TCF4: variants seen among roughly 807,000 people sequenced by gnomAD.
The protein encoded by TCF4 is SL3-3 enhancer factor 2.
TCF4 carries 3 observed loss-of-function variants against 82.1 expected under a neutral mutation model. The ratio of observed to expected loss-of-function variants is 0.04; its 90% CI spans 0.02 to 0.09. The LOEUF is 0.09. Among genes scored for constraint, TCF4 ranks in the 10% least tolerant of loss-of-function variants. The probability of loss-of-function intolerance (pLI) is 1.00; values close to 1 mark genes in which losing one functional copy is unlikely to be tolerated. For synonymous variants in TCF4, 276 were observed against 309.6 expected (o/e 0.89, Z 1.14); for missense variants, 518 against 852.7 (o/e 0.61, Z 4.89).
At chr18:55,528,715 A>G (rs750756718) in intron 3 of TCF4, among the ~76,000 whole-genome samples, 1 of 152,226 alleles carries the variant, frequency 6.6e-6, no homozygotes, top group South Asian at 2.1e-4. Context: ...ACGTTTCTCC[A>G]AGGAATTTAT....
intron 2 of TCF4, among the ~76,000 whole-genome samples, chr18:55,597,365 T>G (rs1212571771): frequency 6.6e-6 from 1 of 152,154 alleles, no homozygotes; most frequent in Non-Finnish European, 1.5e-5. Context: ...TGCATGATAT[T>G]TCAAACCCGA....
At chr18:55,356,059 T>C (rs1304980665) in intron 6 of TCF4, among the ~76,000 whole-genome samples, 2 of 152,164 alleles carry the variant, frequency 1.3e-5, no homozygotes, top group East Asian at 3.9e-4. Context: ...ATAAGAGCTC[T>C]ATCATAGGGT....
chr18:55,248,040 C>G (rs1211761446), intron 15 of TCF4, among the ~76,000 whole-genome samples: 1 of 152,172 alleles, frequency 6.6e-6, no homozygotes, highest in African/African-American at 2.4e-5. Context: ...GAGATAATCT[C>G]TTAAATTCCC....
upstream of TCF4, chr18:55,588,640 G>A (rs879108660): frequency 2.8e-6 from 4 of 1,412,466 alleles, no homozygotes; most frequent in South Asian, 6.2e-5. Flanking sequence ...GGCAAAGCAA[G>A]TTTATACTAG....
At chr18:55,491,546 C>A (rs1025283228) in intron 3 of TCF4, among the ~76,000 whole-genome samples, 12 of 152,164 alleles carry the variant, frequency 7.9e-5, no homozygotes, top group African/African-American at 2.7e-4. Flanking sequence ...TCCAGTTGCC[C>A]TTTATGTCCC....
chr18:55,233,817 A>G (rs1196165480), intron 16 of TCF4, among the ~76,000 whole-genome samples: 2 of 94,582 alleles, frequency 2.1e-5, no homozygotes, highest in Non-Finnish European at 3.8e-5. Flanking sequence ...AGGCTCTGTC[A>G]AAAAAAAAAA....
intron 3 of TCF4, among the ~76,000 whole-genome samples, chr18:55,501,706 G>GAA (rs776813034): frequency 7.0e-6 from 1 of 142,446 alleles, no homozygotes; most frequent in Non-Finnish European, 1.5e-5. Flanking sequence ...ATCTTTGGGA[G>GAA]AAAAAAAAAA....
intron 8 of TCF4, among the ~76,000 whole-genome samples, chr18:55,282,981 T>C (rs2062922188): frequency 6.6e-6 from 1 of 152,140 alleles, no homozygotes; most frequent in Non-Finnish European, 1.5e-5. Context: ...GCTCTTTTAG[T>C]AACCTATTTG....
At chr18:55,556,377 T>C (rs188048530) in intron 3 of TCF4, among the ~76,000 whole-genome samples, 4 of 152,340 alleles carry the variant, frequency 2.6e-5, no homozygotes, top group Admixed American at 2.6e-4. Flanking sequence ...GAGCCTAATT[T>C]CTCAATAGTA....
chr18:55,465,905 T>C (rs1465619969), intron 3 of TCF4, among the ~76,000 whole-genome samples: 1 of 152,222 alleles, frequency 6.6e-6, no homozygotes, highest in Non-Finnish European at 1.5e-5. Flanking sequence ...CAAAAAGTAA[T>C]GGAGGAACAG....
intron 2 of TCF4, among the ~76,000 whole-genome samples, chr18:55,609,040 C>G (rs2097704759): frequency 6.6e-6 from 1 of 152,126 alleles, no homozygotes; most frequent in South Asian, 2.1e-4. Context: ...TCTCTGTTCT[C>G]TGCTATATGA....
chr18:55,255,431 T>C (rs1033384758), intron 14 of TCF4, among the ~76,000 whole-genome samples: 1 of 152,206 alleles, frequency 6.6e-6, no homozygotes. Context: ...AACTATAGCA[T>C]AGAATTCGCA....
rs145035498 is a variant in TCF4, at chr18:55,302,765, G to A, written c.550-23109C>T. The A allele has an allele frequency of 4.8e-4, 299 of 619,244 alleles. 3 individuals are homozygous for A. In the Middle Eastern group the frequency reaches 5.9e-3, roughly 12 times the overall value. 38.4% of individuals were successfully genotyped at this position (619,244 alleles called of 1,614,324 possible). A position where few individuals can be genotyped will look rare whatever the true frequency, so the allele number is the denominator to read the frequency against. ...AATGACCAGGCATGAGGCGTCCCCT[G>A]GATAAAGCTGCATCTGGAGCCCGTT... On this transcript the variant is annotated intron_variant, in intron 8 of 19. Transcript: ENST00000354452.
intron 3 of TCF4, among the ~76,000 whole-genome samples, chr18:55,468,267 G>A (rs1220153723): frequency 6.6e-6 from 1 of 152,194 alleles, no homozygotes; most frequent in Admixed American, 6.5e-5. Context: ...ACACAGTGAA[G>A]GACTGGCTAT....
intron 3 of TCF4, among the ~76,000 whole-genome samples, chr18:55,491,024 A>G (rs111397017): frequency 0.018 from 2,470 of 139,318 alleles, 75 homozygotes; most frequent in African/African-American, 0.061. Context: ...ATTATGGGGG[A>G]AAAAAAATCC....
intron 8 of TCF4, among the ~76,000 whole-genome samples, chr18:55,339,163 T>C (rs1373284885): frequency 1.3e-5 from 2 of 152,086 alleles, no homozygotes; most frequent in Non-Finnish European, 2.9e-5. Flanking sequence ...TAAACAGATA[T>C]GAAAGACATT....
intron 5 of TCF4, among the ~76,000 whole-genome samples, chr18:55,430,910 T>A (rs1335975289): frequency 6.6e-6 from 1 of 152,102 alleles, no homozygotes; most frequent in Non-Finnish European, 1.5e-5. Flanking sequence ...TTGAAGTAAG[T>A]GATCACATTT....
intron 6 of TCF4, among the ~76,000 whole-genome samples, chr18:55,365,183 ATATATATATG>A (rs1438339570): frequency 7.7e-4 from 82 of 106,844 alleles, no homozygotes; most frequent in Non-Finnish European, 9.6e-4. Context: ...ATATATATAT[ATATATATATG>A]TGTGTGTGTG....
At chr18:55,343,117 T>G (rs74914300) in intron 8 of TCF4, among the ~76,000 whole-genome samples, 4,238 of 152,194 alleles carry the variant, frequency 0.028, 108 homozygotes, top group Non-Finnish European at 0.037. Context: ...TTTTTGTATG[T>G]GTATGTGACG....
Sources: gnomAD v4.1 joint callset for allele counts (sites outside exome capture counted in the v4.1 genomes callset) on GRCh38, gnomAD v4.1.1 for gene constraint, MANE v1.5 for transcripts, NCBI Gene and HGNC (gene_info 2026-07-23, HGNC 2026-07-21) for gene names.